DNHD1: variants seen among roughly 807,000 people sequenced by gnomAD.
The protein encoded by DNHD1 is dynein heavy chain domain-containing protein 1.
A neutral mutation model predicts 458.1 loss-of-function variants in DNHD1; 383 were observed. The ratio of observed to expected loss-of-function variants is 0.84; its 90% CI spans 0.77 to 0.91. DNHD1 has a LOEUF of 0.91. DNHD1 is among the 40% of genes least tolerant of loss of function. The pLI is 0.00. For synonymous variants in DNHD1, 2,203 were observed against 2,376.9 expected, an observed-to-expected ratio of 0.93 and a Z score of 2.13; for missense variants, 5,336 against 5,866.1, an observed-to-expected ratio of 0.91 and a Z score of 2.95.
At chr11:6,549,142 A>G (rs760023786) in intron 24 of DNHD1, 14 of 607,334 alleles carry the variant, frequency 2.3e-5, no homozygotes, top group Non-Finnish European at 3.7e-5. Context: ...TCTGTGTCCA[A>G]TCTCACTTCT....
chr11:6,511,364 G>C lies in DNHD1; in HGVS notation c.1327G>C (p.Glu443Gln). Residue 443 changes from glutamate to glutamine, a missense_variant, in exon 7 of 43, where the codon GAG becomes CAG. Physicochemically the swap from Glu to Gln is conservative, Grantham distance 29 (BLOSUM62 2). Coordinates refer to ENST00000254579, the MANE Select transcript of DNHD1 (RefSeq NM_144666.3). The stretch of plus-strand genomic sequence containing the variant: ...GGACCTGCAGACGGCTCTAGCCGAG[G>C]AGAAGCATAAGGCTCTACGGCTGCT... ...LLDLQTALAEEKHKALRLLHR... is the reference protein window; with the variant it reads ...LLDLQTALAEQKHKALRLLHR... 6.2e-7 allele frequency: 1 copy of C among 1,614,234 alleles called. No homozygotes were observed. Among genetic ancestry groups the C allele is most frequent in the Admixed American group, 1.7e-5 (1 of 60,034 alleles).
At position 6,568,735 on chromosome 11, in the gene DNHD1, C is replaced by T; in HGVS notation, c.12732C>T (p.Asp4244=). The T allele has an allele frequency of 1.2e-6, 2 of 1,613,742 alleles. No homozygotes were observed. The highest frequency in any genetic ancestry group is 8.5e-7 in the Non-Finnish European group (1 of 1,179,822). ...TGGAGCTGGGCCATGTTTTGATTGA[C>T]AGTGTGGAGCTAGCCCAGCAAGTAC... ...QSLELGHVLI[D]SVELAQQVLY... is the part of the protein sequence containing the mutation. Residue 4244 remains aspartate (D), a synonymous_variant, in exon 39 of 43, where the codon GAC becomes GAT. Coordinates refer to ENST00000254579, the MANE Select transcript of DNHD1 (RefSeq NM_144666.3).
At chr11:6,512,708 C>T (rs950723403) in intron 7 of DNHD1, among the ~76,000 whole-genome samples, 3 of 152,030 alleles carry the variant, frequency 2.0e-5, no homozygotes, top group African/African-American at 7.2e-5. Context: ...TTCTGTCTTC[C>T]TTCTCACCTT....
rs117939157 is a variant in DNHD1, at chr11:6,547,636, C to T, written c.6697C>T (p.Arg2233Cys). 9,781 of 1,530,390 alleles carry T rather than the reference C, an allele frequency of 6.4e-3. 61 individuals carry two copies. Among genetic ancestry groups the T allele is most frequent in the South Asian group, 0.02 (1,646 of 81,920 alleles). The allele number at this position is 1,530,390 out of a possible 1,614,324, so 94.8% of individuals were successfully genotyped here. The change falls in exon 21 of 43, where the codon CGC (arginine) becomes TGC (cysteine). Residue 2233 changes from arginine to cysteine, a missense_variant. Arg to Cys is a radical substitution (Grantham distance 180). This residue lies in a region of DNHD1 where 3,932 missense variants were observed against 4,365.6 expected (regional missense o/e 0.90). Coordinates refer to ENST00000254579, the MANE Select transcript of DNHD1 (RefSeq NM_144666.3). ...ILHSLLDLHL[R>C]LKEEKAPGPE... Reference sequence around the variant, plus strand: ...GCATAGTCTGCTTGACCTCCACCTTCGCCTAAAGGAGGAGAAGGCCCCTGG... The same window carrying T: ...GCATAGTCTGCTTGACCTCCACCTTTGCCTAAAGGAGGAGAAGGCCCCTGG...
At chr11:6,516,286 CTA>C (rs1852463737) in intron 7 of DNHD1, among the ~76,000 whole-genome samples, 1 of 147,044 alleles carries the variant, frequency 6.8e-6, no homozygotes, top group Non-Finnish European at 1.5e-5. Flanking sequence ...TCATAGTACT[CTA>C]ATCACTTTTT....
In DNHD1 at chr11:6,519,659, C is replaced by G; in HGVS notation, c.1452C>G (p.Asp484Glu). ...QCLQERVQNC[D>E]RIRTGQGSIY... ...TACAGGAGCGAGTACAAAACTGTGA[C>G]AGGATCAGGACAGGCCAAGGCTCCA... Residue 484 changes from aspartate to glutamate, a missense_variant, in exon 8 of 43, where the codon GAC becomes GAG. Around this residue, in one of 4 missense-constraint regions of DNHD1, gnomAD observed 3,932 missense variants for 4,365.6 expected, o/e 0.90. Coordinates refer to ENST00000254579, the MANE Select transcript of DNHD1 (RefSeq NM_144666.3). 5 of 1,614,200 alleles carry G rather than the reference C, an allele frequency of 3.1e-6. No individual in the cohort carries two copies. Among genetic ancestry groups the G allele is most frequent in the Non-Finnish European group, 4.2e-6 (5 of 1,180,036 alleles).
intron 7 of DNHD1, among the ~76,000 whole-genome samples, chr11:6,513,228 T>C (rs1564997531): frequency 1.3e-5 from 2 of 152,268 alleles, no homozygotes; most frequent in Non-Finnish European, 2.9e-5. Context: ...TATTAAGGTA[T>C]AATTCATATA....
At chr11:6,565,642 A>G in intron 32 of DNHD1, 53 bp from the exon 33 acceptor site, 1 of 1,473,018 alleles carries the variant, frequency 6.8e-7, no homozygotes. Context: ...TTCCTCCCCT[A>G]AGGAGTCTGA....
At position 6,546,100 on chromosome 11, in the gene DNHD1, T is replaced by C; in HGVS notation, c.5161T>C (p.Cys1721Arg). 1 of 1,551,592 alleles carries C rather than the reference T, an allele frequency of 6.4e-7. No individual in the cohort carries two copies. Among genetic ancestry groups the C allele is most frequent in the South Asian group, 1.2e-5 (1 of 84,062 alleles). ...CTGCTCACCTCAGATAGAGGCTCAA[T>C]GCCTGAGCAACTATCTGAATGGTGC... ...LPCSPQIEAQ[C>R]LSNYLNGALQ... Residue 1721 changes from cysteine to arginine, a missense_variant, in exon 21 of 43, where the codon TGC becomes CGC. Cys to Arg is a radical substitution (Grantham distance 180, BLOSUM62 -3). Coordinates refer to ENST00000254579, the MANE Select transcript of DNHD1 (RefSeq NM_144666.3).
intron 3 of DNHD1, among the ~76,000 whole-genome samples, chr11:6,500,264 G>T (rs1363640751): frequency 3.3e-5 from 5 of 152,218 alleles, no homozygotes; most frequent in Non-Finnish European, 7.3e-5. Flanking sequence ...CCGTGCCCAA[G>T]AGAGTTTTTT....
chr11:6,548,084 G>T lies in DNHD1; in HGVS notation c.6905+44G>T, dbSNP rs777230004. On this transcript the variant is annotated intron_variant, in intron 22 of 42. Coordinates refer to ENST00000254579, the MANE Select transcript of DNHD1 (RefSeq NM_144666.3). The surrounding 1 kb of genome is among the most constrained non-coding windows in gnomAD (Gnocchi z 4.4). ...GATGGGAGATGCAGAGGGCTGAGAT[G>T]GACTGGCCCATGGAAGTAAAAACCC... 332 of 1,550,564 alleles carry T rather than the reference G, an allele frequency of 2.1e-4. No homozygotes were observed. Among genetic ancestry groups the T allele is most frequent in the Non-Finnish European group, 2.7e-4 (313 of 1,146,128 alleles).
At chr11:6,558,740 A>C (rs1415900640) in intron 26 of DNHD1, 47 bp downstream of exon 26, 1 of 1,538,542 alleles carries the variant, frequency 6.5e-7, no homozygotes, top group Admixed American at 2.0e-5. Context: ...ACCAGGCTCT[A>C]ATGAGGGTTA....
rs370072781 is a variant in DNHD1, at chr11:6,533,846, C to G, written c.2671C>G (p.Pro891Ala). 24 of 1,551,100 alleles carry G rather than the reference C, an allele frequency of 1.5e-5. No individual in the cohort carries two copies. Among genetic ancestry groups the G allele is most frequent in the Non-Finnish European group, 2.1e-5 (24 of 1,146,874 alleles). ...QFGESPIPPC[P>A]PPPQPHLLHC... ...CGGGGAGTCACCCATCCCTCCCTGC[C>G]CTCCTCCCCCACAACCACATCTACT... The change falls in exon 14 of 43, where the codon CCT becomes GCT. Residue 891 changes from proline (P) to alanine (A), a missense_variant. This residue lies in a region of DNHD1 where 3,932 missense variants were observed against 4,365.6 expected (regional missense o/e 0.90). Coordinates refer to ENST00000254579, the MANE Select transcript of DNHD1 (RefSeq NM_144666.3).
At position 6,571,462 on chromosome 11, in the gene DNHD1, C is replaced by T; in HGVS notation, c.13911+39C>T. ...GCCCCTCGTTCGCGGTTCCAGTCCC[C>T]TCGAAGTCTCTAATTACACCTCGCA... On this transcript the variant is annotated intron_variant, in intron 42 of 42. Transcript: ENST00000254579. The surrounding 1 kb of genome is among the most constrained non-coding windows in gnomAD (Gnocchi z 5.0). The T allele has an allele frequency of 6.6e-7, 1 of 1,517,706 alleles. No homozygotes were observed. Among genetic ancestry groups the T allele is most frequent in the Non-Finnish European group, 8.9e-7 (1 of 1,127,766 alleles). The allele number at this position is 1,517,706 out of a possible 1,614,324, so 94.0% of individuals were successfully genotyped here.
At position 6,546,205 on chromosome 11, in the gene DNHD1, C is replaced by A; in HGVS notation, c.5266C>A (p.Leu1756Met). The A allele has an allele frequency of 6.4e-7, 1 of 1,551,368 alleles. No homozygotes were observed. The highest frequency in any genetic ancestry group is 8.7e-7 in the Non-Finnish European group (1 of 1,146,650). The change falls in exon 21 of 43, where the codon CTG becomes ATG. Residue 1756 changes from leucine (L) to methionine (M), a missense_variant. By Grantham distance (15) the Leu-to-Met change is conservative. Coordinates refer to ENST00000254579, the MANE Select transcript of DNHD1 (RefSeq NM_144666.3). The stretch of plus-strand genomic sequence containing the variant: ...CTTGCTCTCTGCCCTGGGCCAGCGC[C>A]TGGGTGAACTGCACCACTTGTATGC... Reference protein sequence around the residue: ...PGLLSALGQRLGELHHLYAPL... With the variant: ...PGLLSALGQRMGELHHLYAPL...
chr11:6,534,018 T>C lies in DNHD1; in HGVS notation c.2843T>C (p.Leu948Pro), dbSNP rs1275563209. Residue 948 changes from leucine (L) to proline (P), a missense_variant, in exon 14 of 43, where the codon CTG becomes CCG. Transcript: ENST00000254579. ...QQLMAAALAE[L>P]EGLLAKALSG... ...CTGATGGCAGCAGCATTGGCAGAGCTGGAAGGCCTGCTTGCGAAGGCCCTC... is the reference window on the plus strand; with the variant it reads ...CTGATGGCAGCAGCATTGGCAGAGCCGGAAGGCCTGCTTGCGAAGGCCCTC... The C allele has an allele frequency of 3.2e-6, 5 of 1,551,454 alleles. No individual in the cohort carries two copies. The Admixed American group carries it at 5.9e-5, about 18-fold the overall frequency.
At position 6,540,002 on chromosome 11, in the gene DNHD1, T is replaced by A. The variant is rs569044532; in HGVS notation, c.3547T>A (p.Ser1183Thr). The change falls in exon 18 of 43, where the codon TCA becomes ACA. Residue 1183 changes from serine (S) to threonine (T), a missense_variant. Around this residue, in one of 4 missense-constraint regions of DNHD1, gnomAD observed 3,932 missense variants for 4,365.6 expected, o/e 0.90. Coordinates refer to ENST00000254579, the MANE Select transcript of DNHD1 (RefSeq NM_144666.3). Reference protein sequence around the residue: ...ILHVPYEPPASERSKRQVLRS... With the variant: ...ILHVPYEPPATERSKRQVLRS... ...GCATGTACCCTACGAGCCCCCAGCC[T>A]CAGAGCGCTCCAAGAGGCAGGTGCT... is the stretch of plus-strand genomic sequence containing the variant. 5.2e-6 allele frequency: 8 copies of A among 1,551,552 alleles called. No individual in the cohort carries two copies. In the African/African-American group the frequency reaches 1.1e-4, roughly 21 times the overall value.
intron 10 of DNHD1, among the ~76,000 whole-genome samples, chr11:6,524,343 C>A (rs1852665339): frequency 1.3e-5 from 2 of 152,202 alleles, no homozygotes. Context: ...TCTCAAATTT[C>A]TGCTTATCCC....
intron 10 of DNHD1, 166 bp downstream of exon 10, chr11:6,520,455 A>G: frequency 6.9e-7 from 1 of 1,455,340 alleles, no homozygotes; most frequent in Non-Finnish European, 9.1e-7. Context: ...GTGGGTAGAA[A>G]GGTCAGGGAA....
Sources: gnomAD v4.1 joint callset for allele counts (sites outside exome capture counted in the v4.1 genomes callset) on GRCh38, gnomAD v4.1.1 for gene constraint, gnomAD v4.1.1 regional missense constraint, Gnocchi (gnomAD v3.1) non-coding constraint, MANE v1.5 for transcripts, NCBI Gene and HGNC (gene_info 2026-07-23, HGNC 2026-07-21) for gene names.